EPHA5: variants seen among roughly 807,000 people sequenced by gnomAD.
EPHA5 encodes the protein ephrin type-A receptor 5.
A neutral mutation model predicts 105.0 loss-of-function variants in EPHA5; 60 were observed. That is an observed-to-expected ratio of 0.57 (90% CI 0.46 to 0.71). EPHA5 has a LOEUF of 0.71. EPHA5 is among the 30% of genes least tolerant of loss of function. The probability of loss-of-function intolerance (pLI) is 0.00; values close to 1 mark genes in which losing one functional copy is unlikely to be tolerated. For synonymous variants in EPHA5, 513 were observed against 449.1 expected, an observed-to-expected ratio of 1.14 and a Z score of -1.80; for missense variants, 1,218 against 1,274.7, an observed-to-expected ratio of 0.96 and a Z score of 0.68.
At chr4:65,588,520 C>G (rs1742335734) in intron 3 of EPHA5, among the ~76,000 whole-genome samples, 1 of 152,118 alleles carries the variant, frequency 6.6e-6, no homozygotes, top group South Asian at 2.1e-4. Flanking sequence ...ACAGGTTGCC[C>G]TTGGCTAAGA....
At chr4:65,519,699 G>C (rs1734482543) in intron 3 of EPHA5, among the ~76,000 whole-genome samples, 1 of 152,044 alleles carries the variant, frequency 6.6e-6, no homozygotes, top group Non-Finnish European at 1.5e-5. Flanking sequence ...CAAAATCAAT[G>C]TGCAAAAATC....
chr4:65,654,965 C>A (rs1047536153), intron 1 of EPHA5, among the ~76,000 whole-genome samples: 5 of 147,764 alleles, frequency 3.4e-5, no homozygotes, highest in Admixed American at 6.8e-5. Flanking sequence ...AAGCATATAC[C>A]TTGAGGATCA....
At chr4:65,384,877 C>A (rs1719929093) in intron 8 of EPHA5, among the ~76,000 whole-genome samples, 1 of 151,810 alleles carries the variant, frequency 6.6e-6, no homozygotes, top group Non-Finnish European at 1.5e-5. Flanking sequence ...CTACACTGAG[C>A]AAACATCAAT....
Position 65,402,735 on chromosome 4 carries a change from G to A in EPHA5, c.1793+1639C>T, listed in dbSNP as rs192620744. ...TTATCTCAGTCAGAAGTAAAGAAAT[G>A]GCATTACAAACCAGCTCCACAAAGT... On this transcript the variant is annotated intron_variant, in intron 8 of 16. Coordinates refer to ENST00000613740, the MANE Select transcript of EPHA5 (RefSeq NM_001281766.3). 1.7e-3 allele frequency among the ~76,000 whole-genome samples: 254 copies of A among 152,196 alleles called. 2 individuals are homozygous for A. The highest frequency in any genetic ancestry group is 5.9e-3 in the African/African-American group (246 of 41,538).
intron 1 of EPHA5, among the ~76,000 whole-genome samples, chr4:65,657,505 C>T (rs1157430818): frequency 1.3e-5 from 2 of 152,122 alleles, no homozygotes; most frequent in South Asian, 2.1e-4. Flanking sequence ...TCTCATTATA[C>T]GTCTAGCAAA....
At chr4:65,389,519 A>C (rs929938031) in intron 8 of EPHA5, among the ~76,000 whole-genome samples, 1 of 152,076 alleles carries the variant, frequency 6.6e-6, no homozygotes, top group African/African-American at 2.4e-5. Context: ...GTATTAAACA[A>C]TTGAATTAAA....
intron 3 of EPHA5, among the ~76,000 whole-genome samples, chr4:65,543,442 G>A (rs1381460758): frequency 1.3e-5 from 2 of 151,870 alleles, no homozygotes; most frequent in African/African-American, 2.4e-5. Flanking sequence ...GACAAGTAGA[G>A]AGCCAAATCA....
intron 1 of EPHA5, among the ~76,000 whole-genome samples, chr4:65,658,268 C>T (rs1373697027): frequency 6.6e-6 from 1 of 152,008 alleles, no homozygotes; most frequent in East Asian, 1.9e-4. Context: ...ACCGCAGGAG[C>T]TTGGAGTGCA....
rs1190848103 is a variant in EPHA5, at chr4:65,508,415, C to T, written c.911-12872G>A. The stretch of plus-strand genomic sequence containing the variant: ...ATAAAAGGATATGCAAGGTCTTGGC[C>T]TTGATTGCTAAGATAGAAGTAATGT... On this transcript the variant is annotated intron_variant, in intron 3 of 16. Coordinates refer to ENST00000613740, the MANE Select transcript of EPHA5 (RefSeq NM_001281766.3). Among the ~76,000 whole-genome samples, 4 of 152,026 alleles carry T rather than the reference C, an allele frequency of 2.6e-5. No individual in the cohort carries two copies. In the East Asian group the frequency reaches 5.8e-4, roughly 22 times the overall value.
chr4:65,607,635 C>T (rs1241968344), intron 2 of EPHA5, among the ~76,000 whole-genome samples: 3 of 152,150 alleles, frequency 2.0e-5, no homozygotes, highest in African/African-American at 7.2e-5. Flanking sequence ...CAGTGAGTTA[C>T]CATCTCATGC....
At chr4:65,422,329 T>A (rs1412889218) in intron 5 of EPHA5, among the ~76,000 whole-genome samples, 3 of 152,102 alleles carry the variant, frequency 2.0e-5, no homozygotes, top group Non-Finnish European at 4.4e-5. Flanking sequence ...ATGGCAGCAA[T>A]CCTTCACCAC....
intron 2 of EPHA5, among the ~76,000 whole-genome samples, chr4:65,629,062 A>G (rs1746400481): frequency 6.6e-6 from 1 of 152,250 alleles, no homozygotes; most frequent in Non-Finnish European, 1.5e-5. Context: ...AGGAGTTCAC[A>G]TTGATAAAAT....
chr4:65,652,834 A>T (rs892653393), intron 1 of EPHA5, among the ~76,000 whole-genome samples: 4 of 152,110 alleles, frequency 2.6e-5, no homozygotes, highest in African/African-American at 9.7e-5. Flanking sequence ...AAATTTTCAA[A>T]AATAAGTTAC....
chr4:65,381,178 T>C (rs1490182524), intron 8 of EPHA5, among the ~76,000 whole-genome samples: 1 of 151,768 alleles, frequency 6.6e-6, no homozygotes, highest in Non-Finnish European at 1.5e-5. Flanking sequence ...TTATTTGTAA[T>C]ATACATAAGG....
intron 5 of EPHA5, 71 bp from the exon 6 acceptor site, chr4:65,420,636 C>A (rs34418451): frequency 2.5e-4 from 346 of 1,394,104 alleles, no homozygotes; most frequent in Non-Finnish European, 3.2e-4. Flanking sequence ...ATGTTTATTA[C>A]GTATATTGGC....
intron 5 of EPHA5, among the ~76,000 whole-genome samples, chr4:65,475,486 C>T (rs780718070): frequency 6.6e-4 from 100 of 152,114 alleles, no homozygotes; most frequent in Non-Finnish European, 1.3e-3. Context: ...TATACTACAT[C>T]TACACAGCAC....
chr4:65,502,513 C>T (rs1385847864), intron 3 of EPHA5, among the ~76,000 whole-genome samples: 1 of 151,594 alleles, frequency 6.6e-6, no homozygotes, highest in African/African-American at 2.4e-5. Context: ...CTCTACATCA[C>T]CAATCGGAGA....
At chr4:65,473,371 C>T (rs1729477038) in intron 5 of EPHA5, among the ~76,000 whole-genome samples, 2 of 152,168 alleles carry the variant, frequency 1.3e-5, no homozygotes, top group African/African-American at 4.8e-5. Context: ...AAACCATTCT[C>T]ACACTTCTAT....
intron 12 of EPHA5, 112 bp from the exon 13 acceptor site, chr4:65,351,710 T>C (rs1722836762): frequency 1.1e-6 from 1 of 886,190 alleles, no homozygotes; most frequent in South Asian, 1.7e-5. Context: ...AAAATTCATA[T>C]GCAATTTCTA....
Sources: gnomAD v4.1 joint callset for allele counts (sites outside exome capture counted in the v4.1 genomes callset) on GRCh38, gnomAD v4.1.1 for gene constraint, MANE v1.5 for transcripts, NCBI Gene and HGNC (gene_info 2026-07-23, HGNC 2026-07-21) for gene names.